The following ADAMTS12 variants were observed in gnomAD, a reference collection of about 807,000 sequenced individuals.
ADAMTS12 encodes ADAM metallopeptidase with thrombospondin type 1 motif 12.
A neutral mutation model predicts 167.8 loss-of-function variants in ADAMTS12; 118 were observed. The observed-to-expected ratio is 0.70, with a 90% CI of 0.61 to 0.82. The LOEUF is 0.82. Among genes scored for constraint, ADAMTS12 ranks in the 40% least tolerant of loss-of-function variants. The probability of loss-of-function intolerance (pLI) is 0.00; values close to 1 mark genes in which losing one functional copy is unlikely to be tolerated. For synonymous variants in ADAMTS12, 704 were observed against 716.9 expected, an observed-to-expected ratio of 0.98 and a Z score of 0.29; for missense variants, 1,916 against 1,998.8, an observed-to-expected ratio of 0.96 and a Z score of 0.79.
intron 2 of ADAMTS12, among the ~76,000 whole-genome samples, chr5:33,754,753 G>A (rs1400128640): frequency 6.6e-6 from 1 of 152,154 alleles, no homozygotes; most frequent in Non-Finnish European, 1.5e-5. Context: ...CTACTTGGGA[G>A]GCTGAGGCAG....
intron 2 of ADAMTS12, among the ~76,000 whole-genome samples, chr5:33,764,785 G>A (rs1009616253): frequency 1.3e-5 from 2 of 151,654 alleles, no homozygotes; most frequent in Non-Finnish European, 1.5e-5. Flanking sequence ...GAATGGCTAA[G>A]TGCTTTCTAA....
At chr5:33,824,701 G>A (rs565263781) in intron 2 of ADAMTS12, among the ~76,000 whole-genome samples, 2 of 152,162 alleles carry the variant, frequency 1.3e-5, no homozygotes, top group South Asian at 2.1e-4. Flanking sequence ...AGAAAGGCTC[G>A]TGACAGTGTT....
intron 23 of ADAMTS12, among the ~76,000 whole-genome samples, chr5:33,534,051 A>G (rs779259816): frequency 2.0e-5 from 3 of 152,232 alleles, no homozygotes; most frequent in Non-Finnish European, 2.9e-5. Flanking sequence ...AGCCCAAACA[A>G]TCAGTGGAAT....
In ADAMTS12 at chr5:33,553,477, A is replaced by G. The variant is rs560865781; in HGVS notation, c.4126-4094T>C. ...ATGGAATCAACCTAAATGCCCATCAATGATAAATTGGATAAAGAAAATGTG... is the reference window on the plus strand; with the variant it reads ...ATGGAATCAACCTAAATGCCCATCAGTGATAAATTGGATAAAGAAAATGTG... On this transcript the variant is annotated intron_variant, in intron 20 of 23. Transcript: ENST00000504830. 5.3e-5 allele frequency among the ~76,000 whole-genome samples: 8 copies of G among 152,378 alleles called. No homozygotes were observed. The South Asian group carries it at 1.5e-3, about 28-fold the overall frequency.
At chr5:33,866,134 G>A (rs372400158) in intron 2 of ADAMTS12, among the ~76,000 whole-genome samples, 224 of 152,118 alleles carry the variant, frequency 1.5e-3, no homozygotes, top group African/African-American at 5.1e-3. Flanking sequence ...ACCAAAGAAA[G>A]AGCCTGAATA....
intron 5 of ADAMTS12, among the ~76,000 whole-genome samples, chr5:33,664,270 T>C (rs1006459812): frequency 2.0e-5 from 3 of 152,170 alleles, no homozygotes; most frequent in African/African-American, 7.2e-5. Flanking sequence ...ATATTAAGGC[T>C]TACTATATAG....
chr5:33,725,490 G>A (rs766944938), intron 3 of ADAMTS12, among the ~76,000 whole-genome samples: 3 of 152,198 alleles, frequency 2.0e-5, no homozygotes, highest in Non-Finnish European at 4.4e-5. Context: ...CCAGAGCATA[G>A]AAACTCTCTG....
chr5:33,687,321 A>T (rs1447218144), intron 3 of ADAMTS12, among the ~76,000 whole-genome samples: 1 of 152,200 alleles, frequency 6.6e-6, no homozygotes, highest in Non-Finnish European at 1.5e-5. Context: ...CTTGCCAAAA[A>T]TCTATGAGAT....
chr5:33,582,851 A>C (rs1747138075), intron 18 of ADAMTS12, among the ~76,000 whole-genome samples: 1 of 152,230 alleles, frequency 6.6e-6, no homozygotes, highest in African/African-American at 2.4e-5. Context: ...GTTTTAAAAA[A>C]TGTTTATGGG....
intron 5 of ADAMTS12, among the ~76,000 whole-genome samples, chr5:33,678,887 T>C (rs1028140379): frequency 6.6e-6 from 1 of 152,132 alleles, no homozygotes; most frequent in East Asian, 1.9e-4. Flanking sequence ...AGAAAAGAGA[T>C]AACTGTAGCT....
chr5:33,890,271 C>T (rs564784640), intron 1 of ADAMTS12, among the ~76,000 whole-genome samples: 20 of 152,240 alleles, frequency 1.3e-4, no homozygotes, highest in Admixed American at 6.5e-4. Flanking sequence ...GTTTGTGCTG[C>T]CCCAGAAGGG....
chr5:33,873,896 T>A (rs1282527131), intron 2 of ADAMTS12, among the ~76,000 whole-genome samples: 2 of 152,072 alleles, frequency 1.3e-5, no homozygotes, highest in Non-Finnish European at 2.9e-5. Flanking sequence ...ACTAACACAA[T>A]AAATCTTATA....
chr5:33,577,679 C>T (rs1031757451), intron 18 of ADAMTS12, among the ~76,000 whole-genome samples: 5 of 152,162 alleles, frequency 3.3e-5, no homozygotes, highest in African/African-American at 1.2e-4. Context: ...TTGCCTATGG[C>T]AGGTGGAATC....
At chr5:33,606,030 C>A (rs190952611) in intron 16 of ADAMTS12, among the ~76,000 whole-genome samples, 3 of 152,318 alleles carry the variant, frequency 2.0e-5, no homozygotes, top group East Asian at 3.9e-4. Context: ...TCATTGCAAC[C>A]TCTGCCTCCC....
At chr5:33,850,653 T>A (rs1474526192) in intron 2 of ADAMTS12, among the ~76,000 whole-genome samples, 2 of 152,216 alleles carry the variant, frequency 1.3e-5, no homozygotes, top group Non-Finnish European at 2.9e-5. Flanking sequence ...AAATATCTAC[T>A]CTGGATGACC....
At chr5:33,773,649 T>C (rs1280813307) in intron 2 of ADAMTS12, among the ~76,000 whole-genome samples, 1 of 152,162 alleles carries the variant, frequency 6.6e-6, no homozygotes, top group Non-Finnish European at 1.5e-5. Context: ...AGAAGAAAGA[T>C]CATATAGATC....
At chr5:33,808,977 C>G (rs1392369479) in intron 2 of ADAMTS12, among the ~76,000 whole-genome samples, 1 of 152,200 alleles carries the variant, frequency 6.6e-6, no homozygotes, top group Non-Finnish European at 1.5e-5. Flanking sequence ...GTCTTCAATT[C>G]TTTAGGGTTA....
chr5:33,805,766 T>C (rs2112479318), intron 2 of ADAMTS12, among the ~76,000 whole-genome samples: 1 of 152,222 alleles, frequency 6.6e-6, no homozygotes, highest in Middle Eastern at 3.4e-3. Context: ...GGTTTATGCC[T>C]TAATCCCAGC....
At chr5:33,816,956 T>G (rs1747680250) in intron 2 of ADAMTS12, among the ~76,000 whole-genome samples, 2 of 152,180 alleles carry the variant, frequency 1.3e-5, no homozygotes, top group Admixed American at 6.5e-5. Flanking sequence ...ATTGTTTCCC[T>G]CAGTAAGTGT....
Sources: allele counts gnomAD v4.1 joint callset (sites outside exome capture counted in the v4.1 genomes callset), GRCh38; gene constraint gnomAD v4.1.1; transcripts MANE v1.5; gene names NCBI Gene and HGNC (gene_info 2026-07-23, HGNC 2026-07-21).